ATXN7L1: variants seen among roughly 807,000 people sequenced by gnomAD.
ATXN7L1 encodes the protein ataxin-7-like protein 1.
ATXN7L1 carries 15 observed loss-of-function variants against 70.8 expected under a neutral mutation model. That is an observed-to-expected ratio of 0.21 (90% CI 0.14 to 0.33). ATXN7L1 has a LOEUF of 0.33. Ranked by LOEUF, ATXN7L1 falls within the 10% of genes least tolerant of loss-of-function variation. The pLI is 1.00. For synonymous variants in ATXN7L1, 440 were observed against 445.1 expected, an observed-to-expected ratio of 0.99 and a Z score of 0.14; for missense variants, 975 against 1,097.1, an observed-to-expected ratio of 0.89 and a Z score of 1.57.
At chr7:105,619,140 G>GTTTTTTGTTTTTT (rs1794385587) in intron 9 of ATXN7L1, among the ~76,000 whole-genome samples, 3 of 49,840 alleles carry the variant, frequency 6.0e-5, no homozygotes, top group African/African-American at 8.2e-5. Context: ...GAAATCTTTA[G>GTTTTTTGTTTTTT]TTTTTTTTTT....
chr7:105,677,687 A>T (rs1804900487), intron 3 of ATXN7L1, among the ~76,000 whole-genome samples: 1 of 152,200 alleles, frequency 6.6e-6, no homozygotes, highest in South Asian at 2.1e-4. Flanking sequence ...TCCATTAAAA[A>T]CACACACACA....
chr7:105,810,387 C>T (rs1808256040), intron 2 of ATXN7L1, among the ~76,000 whole-genome samples: 1 of 152,162 alleles, frequency 6.6e-6, no homozygotes, highest in Non-Finnish European at 1.5e-5. Flanking sequence ...CACATGCTAG[C>T]AGGTGAGACA....
chr7:105,827,839 T>A (rs2116579324), intron 2 of ATXN7L1, among the ~76,000 whole-genome samples: 1 of 152,316 alleles, frequency 6.6e-6, no homozygotes, highest in Non-Finnish European at 1.5e-5. Flanking sequence ...GTACATTATA[T>A]AACACCCCAG....
intron 3 of ATXN7L1, chr7:105,760,403 G>A: frequency 1.0e-6 from 1 of 975,162 alleles, no homozygotes; most frequent in Non-Finnish European, 1.2e-6. Flanking sequence ...ATTTAAAACA[G>A]CACAGCCAGC....
rs796662362 is a variant in ATXN7L1 at position 105,688,172 on chromosome 7, A to T, written c.356-22884T>A. 8.6e-5 allele frequency among the ~76,000 whole-genome samples: 13 copies of T among 151,850 alleles called. 1 individual carries two copies. The highest frequency in any genetic ancestry group is 2.9e-4 in the African/African-American group (12 of 41,412). On this transcript the variant is annotated intron_variant, in intron 3 of 11. Coordinates refer to ENST00000419735, the MANE Select transcript of ATXN7L1 (RefSeq NM_020725.2). Reference sequence around the variant, plus strand: ...CAGATACATTGACTTGCATACCCTAACCCTCACATGCGTTGCCCAGCCCAG... The same window carrying T: ...CAGATACATTGACTTGCATACCCTATCCCTCACATGCGTTGCCCAGCCCAG...
At position 105,618,478 on chromosome 7, in the gene ATXN7L1, C is replaced by T. The variant is rs151106724; in HGVS notation, c.1517+1722G>A. 4.1e-3 allele frequency among the ~76,000 whole-genome samples: 624 copies of T among 152,270 alleles called. 7 individuals are homozygous for T. The highest frequency in any genetic ancestry group is 0.014 in the African/African-American group (596 of 41,544). On this transcript the variant is annotated intron_variant, in intron 9 of 11. Coordinates refer to ENST00000419735, the MANE Select transcript of ATXN7L1 (RefSeq NM_020725.2). ...CTAAGTCTGCCATGAGAGCTCAATT[C>T]AGACACAAATGGGGCTCACTTCTCC...
intron 3 of ATXN7L1, chr7:105,761,487 G>A (rs1159068545): frequency 6.2e-7 from 1 of 1,613,338 alleles, no homozygotes; most frequent in Non-Finnish European, 8.5e-7. Context: ...ATGCTTTGTT[G>A]GCATTTGCTG....
intron 2 of ATXN7L1, among the ~76,000 whole-genome samples, chr7:105,854,786 C>G (rs768908871): frequency 6.6e-6 from 1 of 151,786 alleles, no homozygotes; most frequent in African/African-American, 2.4e-5. Flanking sequence ...CTCACAAGAG[C>G]TGATTGTTAA....
chr7:105,822,027 A>G lies in ATXN7L1; in HGVS notation c.251-33319T>C, dbSNP rs1810234335. Among the ~76,000 whole-genome samples, 3 of 152,374 alleles carry G rather than the reference A, an allele frequency of 2.0e-5. No homozygotes were observed. In the South Asian group the frequency reaches 6.2e-4, roughly 32 times the overall value. Reference sequence around the variant, plus strand: ...AGTGACTTGCCACCAGGCAGCTCACATAATTGTCTTGCTGAGGTCATAGAG... The same window carrying G: ...AGTGACTTGCCACCAGGCAGCTCACGTAATTGTCTTGCTGAGGTCATAGAG... On this transcript the variant is annotated intron_variant, in intron 2 of 11. Transcript: ENST00000419735.
intron 4 of ATXN7L1, among the ~76,000 whole-genome samples, chr7:105,660,250 C>A (rs1007354420): frequency 6.6e-6 from 1 of 152,056 alleles, no homozygotes; most frequent in Non-Finnish European, 1.5e-5. Flanking sequence ...GTCAAGGTGA[C>A]CAGACTACAT....
chr7:105,703,149 A>C (rs183694540), intron 3 of ATXN7L1, among the ~76,000 whole-genome samples: 217 of 151,134 alleles, frequency 1.4e-3, no homozygotes, highest in African/African-American at 4.6e-3. Context: ...AAAAACCCCC[A>C]AAAAATTAGC....
intron 7 of ATXN7L1, among the ~76,000 whole-genome samples, chr7:105,626,976 C>T (rs1310663976): frequency 6.6e-6 from 1 of 152,118 alleles, no homozygotes; most frequent in Non-Finnish European, 1.5e-5. Flanking sequence ...ATGTTGTGGA[C>T]GTGTTTCCAT....
chr7:105,706,465 G>A (rs1793180800), intron 3 of ATXN7L1, among the ~76,000 whole-genome samples: 1 of 151,920 alleles, frequency 6.6e-6, no homozygotes, highest in African/African-American at 2.4e-5. Flanking sequence ...CAAAGTGCTG[G>A]GATTACATAG....
At chr7:105,863,897 G>C (rs183395280) in intron 2 of ATXN7L1, among the ~76,000 whole-genome samples, 1 of 143,914 alleles carries the variant, frequency 6.9e-6, no homozygotes, top group Admixed American at 7.0e-5. Flanking sequence ...AAGTTGGGCT[G>C]TGTTTAGCCC....
At chr7:105,726,828 T>C (rs192244673) in intron 3 of ATXN7L1, among the ~76,000 whole-genome samples, 40 of 152,326 alleles carry the variant, frequency 2.6e-4, no homozygotes, top group Admixed American at 6.5e-4. Context: ...GGAGTTCCTG[T>C]AGCTTCATAC....
chr7:105,865,479 G>A (rs1817272274), intron 2 of ATXN7L1, among the ~76,000 whole-genome samples: 1 of 151,234 alleles, frequency 6.6e-6, no homozygotes, highest in Non-Finnish European at 1.5e-5. Context: ...TCAGCTCACT[G>A]CAACCTCCGC....
chr7:105,804,670 G>A (rs1001561772), intron 2 of ATXN7L1, among the ~76,000 whole-genome samples: 2 of 152,132 alleles, frequency 1.3e-5, no homozygotes, highest in Admixed American at 1.3e-4. Context: ...CACAGCAGCC[G>A]GCATTTATTG....
chr7:105,828,397 A>G (rs1400158683), intron 2 of ATXN7L1, among the ~76,000 whole-genome samples: 1 of 152,186 alleles, frequency 6.6e-6, no homozygotes, highest in Non-Finnish European at 1.5e-5. Context: ...GGAGTTGTCC[A>G]TAGAAGATCT....
intron 3 of ATXN7L1, among the ~76,000 whole-genome samples, chr7:105,694,669 T>C (rs956449611): frequency 6.6e-6 from 1 of 152,204 alleles, no homozygotes; most frequent in Non-Finnish European, 1.5e-5. Context: ...CAGACTTTAT[T>C]ATTCCCATTT....
Sources: allele counts gnomAD v4.1 joint callset (sites outside exome capture counted in the v4.1 genomes callset), GRCh38; gene constraint gnomAD v4.1.1; transcripts MANE v1.5; gene names NCBI Gene and HGNC (gene_info 2026-07-23, HGNC 2026-07-21).